MEPE: variants seen among roughly 807,000 people sequenced by gnomAD.
MEPE encodes matrix extracellular phosphoglycoprotein, also known as matrix, extracellular phosphoglycoprotein with ASARM motif (bone).
A neutral mutation model predicts 7.3 loss-of-function variants in MEPE; 7 were observed. The observed-to-expected ratio is 0.95, with a 90% CI of 0.54 to 1.79. The LOEUF (loss-of-function observed/expected upper bound fraction) is 1.79, where lower values mean the gene tolerates loss of function less well. Among genes scored for constraint, MEPE ranks in the 40% most tolerant of loss-of-function variants. MEPE has a pLI of 0.00. For missense variants in MEPE, 623 were observed against 628.2 expected (o/e 0.99, Z 0.09); for synonymous variants, 214 against 213.1 (o/e 1.00, Z -0.04).
chr4:87,841,623 C>T (rs944952486), intron 3 of MEPE, among the ~76,000 whole-genome samples: 1 of 152,144 alleles, frequency 6.6e-6, no homozygotes, highest in Non-Finnish European at 1.5e-5. Flanking sequence ...ACATTTCCGC[C>T]TACTTCCAAC....
chr4:87,837,525 A>C (rs141477205), intron 2 of MEPE: 1 of 152,378 alleles, frequency 6.6e-6, no homozygotes, highest in Non-Finnish European at 1.5e-5. Flanking sequence ...GTCTGTATTA[A>C]ACAAAATATA....
chr4:87,829,882 T>TTGTCTTTTG (rs1553915046), upstream of MEPE, among the ~76,000 whole-genome samples: 1 of 142,728 alleles, frequency 7.0e-6, no homozygotes, highest in Non-Finnish European at 1.5e-5. Flanking sequence ...TTTTTTTTTT[T>TTGTCTTTTG]GGACTTTGCT....
chr4:87,830,635 C>T (rs1427564013), upstream of MEPE, among the ~76,000 whole-genome samples: 3 of 151,958 alleles, frequency 2.0e-5, no homozygotes, highest in Non-Finnish European at 2.9e-5. Context: ...GGGTACTGAG[C>T]TTAATACCTG....
chr4:87,835,178 A>T (rs1218169208), intron 2 of MEPE, among the ~76,000 whole-genome samples: 1 of 152,240 alleles, frequency 6.6e-6, no homozygotes, highest in Admixed American at 6.5e-5. Context: ...TAGTAAATAG[A>T]TAAAAATGCA....
chr4:87,823,699 T>C (rs1362157764), intron 1 of MEPE, among the ~76,000 whole-genome samples: 1 of 152,212 alleles, frequency 6.6e-6, no homozygotes, highest in African/African-American at 2.4e-5. Flanking sequence ...TGGATCTCTT[T>C]GAATGATGAG....
In MEPE at chr4:87,846,588, G is replaced by A. The variant is rs1431940228; in HGVS notation, c.*142G>A. On this transcript the variant is annotated 3_prime_UTR_variant, in exon 4 of 4. Transcript: ENST00000361056. ...GTGAGCCAAGAATCCTGGTCTCCTT[G>A]GGGGAATTTTTGCTATCTTAATAGT... The A allele has an allele frequency of 2.2e-6, 2 of 915,668 alleles. No homozygotes were observed. Among genetic ancestry groups the A allele is most frequent in the Admixed American group, 5.4e-5 (2 of 37,020 alleles). The allele number at this position is 915,668 out of a possible 1,614,324, so 56.7% of individuals were successfully genotyped here. A position where few individuals can be genotyped will look rare whatever the true frequency, so the allele number is the denominator to read the frequency against.
At chr4:87,832,444 A>C (rs1302807545), upstream of MEPE, among the ~76,000 whole-genome samples, 1 of 152,056 alleles carries the variant, frequency 6.6e-6, no homozygotes, top group Non-Finnish European at 1.5e-5. Flanking sequence ...GTCACTATCT[A>C]ATCTATTTAA....
At chr4:87,822,173 G>A (rs1030969138) in intron 1 of MEPE, among the ~76,000 whole-genome samples, 2 of 152,176 alleles carry the variant, frequency 1.3e-5, no homozygotes, top group African/African-American at 4.8e-5. Flanking sequence ...CTTCTTGGCA[G>A]TAGAACTTCC....
chr4:87,825,246 G>A (rs991734372), intron 1 of MEPE, among the ~76,000 whole-genome samples: 2 of 152,158 alleles, frequency 1.3e-5, no homozygotes, highest in African/African-American at 4.8e-5. Context: ...TCACCTCTTA[G>A]CCAGCTGAGG....
chr4:87,839,682 T>C, intron 3 of MEPE: 1 of 1,546,882 alleles, frequency 6.5e-7, no homozygotes, highest in South Asian at 1.2e-5. Context: ...TGTGTTTTTG[T>C]AGATAACATA....
intron 2 of MEPE, among the ~76,000 whole-genome samples, chr4:87,836,243 A>T (rs1398644998): frequency 6.6e-6 from 1 of 152,200 alleles, no homozygotes; most frequent in Admixed American, 6.5e-5. Context: ...TAGAATTATA[A>T]GCCAAATTCT....
At chr4:87,838,058 T>C (rs1722866248) in intron 2 of MEPE, among the ~76,000 whole-genome samples, 1 of 152,178 alleles carries the variant, frequency 6.6e-6, no homozygotes, top group Non-Finnish European at 1.5e-5. Flanking sequence ...CATTTTTCCT[T>C]CTCAGAATGT....
At chr4:87,839,829 G>A (rs967913419) in intron 3 of MEPE, 4 of 1,541,794 alleles carry the variant, frequency 2.6e-6, no homozygotes, top group Admixed American at 2.0e-5. Context: ...CTCTGGACTA[G>A]CCCTAGAGGA....
At chr4:87,839,716 G>A (rs920976138) in intron 3 of MEPE, 10 of 1,549,878 alleles carry the variant, frequency 6.5e-6, no homozygotes, top group Admixed American at 2.0e-5. Flanking sequence ...GAGAAACATG[G>A]GCATTATGTT....
chr4:87,845,602 A>G lies in MEPE; in HGVS notation c.734A>G (p.Gln245Arg), dbSNP rs752879565. 1.2e-6 allele frequency: 2 copies of G among 1,613,494 alleles called. No homozygotes were observed. The highest frequency in any genetic ancestry group is 2.7e-5 in the African/African-American group (2 of 74,882). Residue 245 changes from glutamine to arginine, a missense_variant, in exon 4 of 4, where the codon CAA (glutamine) becomes CGA (arginine). Transcript: ENST00000361056. ...DFEGSGYTDLQERGDNDISPF... is the reference protein window; with the variant it reads ...DFEGSGYTDLRERGDNDISPF... ...GAAGGCAGCGGTTATACAGATCTTCAAGAGAGAGGGGACAATGATATATCT... is the reference window on the plus strand; with the variant it reads ...GAAGGCAGCGGTTATACAGATCTTCGAGAGAGAGGGGACAATGATATATCT...
rs1462510567 is a variant in MEPE, at chr4:87,845,021, C to T, written c.153C>T (p.Gly51=). The T allele has an allele frequency of 2.5e-6, 4 of 1,596,850 alleles. No individual in the cohort carries two copies. The highest frequency in any genetic ancestry group is 3.4e-6 in the Non-Finnish European group (4 of 1,174,402). The change falls in exon 4 of 4, where the codon GGC becomes GGT. Residue 51 remains glycine (G), a synonymous_variant. Transcript: ENST00000361056. Reference sequence around the variant, plus strand: ...ACAATATTGGTTTTCACCATTTGGGCAAGAGAATAAATCAAGAGCTATCAT... The same window carrying T: ...ACAATATTGGTTTTCACCATTTGGGTAAGAGAATAAATCAAGAGCTATCAT... ...NKDNIGFHHL[G]KRINQELSSK... is the part of the protein sequence containing the mutation.
intron 1 of MEPE, among the ~76,000 whole-genome samples, chr4:87,827,143 T>C (rs1348315335): frequency 1.3e-5 from 2 of 152,202 alleles, no homozygotes; most frequent in Admixed American, 6.5e-5. Flanking sequence ...TTGGGATGAC[T>C]CTTGCACCCC....
At chr4:87,838,398 T>C (rs768297705) in intron 2 of MEPE, among the ~76,000 whole-genome samples, 32 of 152,164 alleles carry the variant, frequency 2.1e-4, no homozygotes, top group Non-Finnish European at 2.8e-4. Flanking sequence ...TCCAGTTCTG[T>C]AGTGGAGACG....
chr4:87,838,952 C>A (rs1027623504), intron 3 of MEPE, among the ~76,000 whole-genome samples: 2 of 152,206 alleles, frequency 1.3e-5, no homozygotes, highest in African/African-American at 2.4e-5. Context: ...TGCCAGGCAA[C>A]CTTCATGGGG....
Sources: gnomAD v4.1 joint callset for allele counts (sites outside exome capture counted in the v4.1 genomes callset) on GRCh38, gnomAD v4.1.1 for gene constraint, MANE v1.5 for transcripts, NCBI Gene and HGNC (gene_info 2026-07-23, HGNC 2026-07-21) for gene names.